TPD52L1: variants seen among roughly 807,000 people sequenced by gnomAD.
The protein encoded by TPD52L1 is TPD52 like 1.
TPD52L1 carries 18 observed loss-of-function variants against 28.7 expected under a neutral mutation model. The observed-to-expected ratio is 0.63, with a 90% CI of 0.43 to 0.93. The LOEUF (loss-of-function observed/expected upper bound fraction) is 0.93. Among genes scored for constraint, TPD52L1 ranks in the 40% least tolerant of loss-of-function variants. The pLI is 0.00. For synonymous variants in TPD52L1, 75 were observed against 88.8 expected (o/e 0.84, Z 0.88); for missense variants, 203 against 254.8 (o/e 0.80, Z 1.39).
chr6:125,189,444 C>A (rs1196418005), intron 1 of TPD52L1, among the ~76,000 whole-genome samples: 1 of 152,134 alleles, frequency 6.6e-6, no homozygotes, highest in Non-Finnish European at 1.5e-5. Flanking sequence ...GATTTGGGAG[C>A]AAAGAATTTC....
chr6:125,208,287 T>A (rs1794285404), intron 1 of TPD52L1, among the ~76,000 whole-genome samples: 1 of 152,198 alleles, frequency 6.6e-6, no homozygotes, highest in African/African-American at 2.4e-5. Context: ...TCCATGTTAC[T>A]AGGATTCAGC....
At chr6:125,246,308 GT>G (rs1796922567) in intron 3 of TPD52L1, among the ~76,000 whole-genome samples, 2 of 152,146 alleles carry the variant, frequency 1.3e-5, no homozygotes, top group African/African-American at 4.8e-5. Flanking sequence ...TAGGAACTCA[GT>G]TTTTCACCCG....
chr6:125,217,383 C>T (rs772039187), intron 1 of TPD52L1, among the ~76,000 whole-genome samples: 7 of 152,226 alleles, frequency 4.6e-5, no homozygotes, highest in South Asian at 2.1e-4. Context: ...TACAACTAGA[C>T]GGTCCCATCT....
chr6:125,166,560 G>A (rs143355770), intron 1 of TPD52L1, among the ~76,000 whole-genome samples: 4 of 152,262 alleles, frequency 2.6e-5, no homozygotes, highest in African/African-American at 9.6e-5. Flanking sequence ...CCTCTTAGGT[G>A]AAGTGCCTAG....
At chr6:125,258,526 C>T (rs527498012) in intron 6 of TPD52L1, among the ~76,000 whole-genome samples, 1 of 152,118 alleles carries the variant, frequency 6.6e-6, no homozygotes, top group Non-Finnish European at 1.5e-5. Context: ...GGATGGGTTC[C>T]ATTGCTTGTT....
chr6:125,168,710 G>A (rs1317132330), intron 1 of TPD52L1, among the ~76,000 whole-genome samples: 1 of 152,004 alleles, frequency 6.6e-6, no homozygotes, highest in East Asian at 1.9e-4. Flanking sequence ...TAGAGATGGG[G>A]TTTCACCATG....
rs1053607914 is a variant in TPD52L1 at position 125,219,051 on chromosome 6, C to T, written c.20-1027C>T. ...AGAAACTTCCATGGCTCAACCTGTT[C>T]TCCCAGTGCTCAGGCCGGTGGGAGT... On this transcript the variant is annotated intron_variant, in intron 1 of 6. Coordinates refer to ENST00000534000, the MANE Select transcript of TPD52L1 (RefSeq NM_003287.4). Among the ~76,000 whole-genome samples the T allele has an allele frequency of 2.6e-5, 4 of 152,194 alleles. No homozygotes were observed. The East Asian group carries it at 7.7e-4, about 29-fold the overall frequency.
chr6:125,261,443 C>A (rs1034699777), intron 6 of TPD52L1: 4 of 152,212 alleles, frequency 2.6e-5, no homozygotes, highest in South Asian at 4.2e-4. Context: ...GCAATAGCAA[C>A]ATTATTTATT....
intron 1 of TPD52L1, among the ~76,000 whole-genome samples, chr6:125,219,318 G>T (rs1026533020): frequency 1.3e-5 from 2 of 152,112 alleles, no homozygotes; most frequent in African/African-American, 4.8e-5. Flanking sequence ...AGCTATTCTG[G>T]GTTAACCCAA....
At chr6:125,213,975 C>A (rs144940440) in intron 1 of TPD52L1, among the ~76,000 whole-genome samples, 126 of 152,240 alleles carry the variant, frequency 8.3e-4, no homozygotes, top group African/African-American at 3.0e-3. Flanking sequence ...CTTGGAACAG[C>A]CGCAGTAGGA....
At chr6:125,227,708 A>G (rs1040075477) in intron 2 of TPD52L1, among the ~76,000 whole-genome samples, 3 of 152,236 alleles carry the variant, frequency 2.0e-5, no homozygotes, top group African/African-American at 7.2e-5. Context: ...CCAGAGCAAT[A>G]TGTTATAGAG....
chr6:125,198,903 CAAT>C (rs1335673085), intron 1 of TPD52L1, among the ~76,000 whole-genome samples: 3 of 152,170 alleles, frequency 2.0e-5, no homozygotes, highest in African/African-American at 7.2e-5. Context: ...ACAATCACAA[CAAT>C]GAGTTCCCCT....
intron 1 of TPD52L1, among the ~76,000 whole-genome samples, chr6:125,158,505 C>T (rs1582823335): frequency 6.6e-6 from 1 of 151,974 alleles, no homozygotes; most frequent in Non-Finnish European, 1.5e-5. Context: ...GTACATAAGG[C>T]AGTTTATATG....
intron 2 of TPD52L1, among the ~76,000 whole-genome samples, chr6:125,227,845 C>G (rs1795707666): frequency 6.6e-6 from 1 of 152,166 alleles, no homozygotes. Flanking sequence ...TTTGCAAGAG[C>G]AATTTTATAG....
chr6:125,193,798 A>C (rs1348090947), intron 1 of TPD52L1, among the ~76,000 whole-genome samples: 1 of 152,158 alleles, frequency 6.6e-6, no homozygotes, highest in Non-Finnish European at 1.5e-5. Flanking sequence ...GCTGTTATAC[A>C]TTCATTATGC....
Position 125,180,569 on chromosome 6 carries a change from T to TATATATAC in TPD52L1, c.19+26600_19+26601insTATATACA, listed in dbSNP as rs1554203761. Among the ~76,000 whole-genome samples the TATATATAC allele has an allele frequency of 3.3e-5, 5 of 150,264 alleles. No individual in the cohort carries two copies. In the East Asian group the frequency reaches 5.9e-4, roughly 18 times the overall value. On this transcript the variant is annotated intron_variant, in intron 1 of 6. Transcript: ENST00000534000. ...TACACACACACACATATATTATATA[T>TATATATAC]ACACACACACACACACACACACACA...
intron 3 of TPD52L1, among the ~76,000 whole-genome samples, chr6:125,246,078 A>G (rs1302680284): frequency 6.6e-6 from 1 of 152,138 alleles, no homozygotes. Context: ...ACAGTTATAT[A>G]CCTTCCCTGG....
At chr6:125,206,698 C>A (rs1049926509) in intron 1 of TPD52L1, among the ~76,000 whole-genome samples, 2 of 152,092 alleles carry the variant, frequency 1.3e-5, no homozygotes, top group Non-Finnish European at 2.9e-5. Flanking sequence ...TTCAAATCTA[C>A]GCCAGAAGCA....
At position 125,229,142 on chromosome 6, in the gene TPD52L1, C is replaced by T. The variant is rs770408400; in HGVS notation, c.160C>T (p.Arg54Ter). Reference sequence around the variant, plus strand: ...GCTAGAAGACGAAATTACAACACTACGACAAGTTTTGTCAGCGAAAGAAAG... The same window carrying T: ...GCTAGAAGACGAAATTACAACACTATGACAAGTTTTGTCAGCGAAAGAAAG... ...VQLEDEITTL[R>*]QVLSAKERHL... Residue 54 changes from arginine (R) to a stop codon, truncating the protein, a stop_gained, in exon 3 of 7, where the codon CGA becomes TGA. Transcript: ENST00000534000. LOFTEE classifies it high-confidence loss of function. The T allele has an allele frequency of 8.7e-6, 14 of 1,613,042 alleles. No individual in the cohort carries two copies. The highest frequency in any genetic ancestry group is 1.3e-5 in the African/African-American group (1 of 74,818).
Sources: gnomAD v4.1 joint callset for allele counts (sites outside exome capture counted in the v4.1 genomes callset) on GRCh38, gnomAD v4.1.1 for gene constraint, MANE v1.5 for transcripts, NCBI Gene and HGNC (gene_info 2026-07-23, HGNC 2026-07-21) for gene names.